Variants in DGKH observed in about 807,000 individuals in gnomAD.
DGKH encodes DAG kinase eta.
DGKH carries 90 observed loss-of-function variants against 159.3 expected under a neutral mutation model. That is an observed-to-expected ratio of 0.57 (90% confidence interval 0.48 to 0.67). The LOEUF is 0.67. Among genes scored for constraint, DGKH ranks in the 30% least tolerant of loss-of-function variants. The probability of loss-of-function intolerance (pLI) is 0.00; values close to 1 mark genes in which losing one functional copy is unlikely to be tolerated. For synonymous variants in DGKH, 536 were observed against 553.8 expected, an observed-to-expected ratio of 0.97 and a Z score of 0.45; for missense variants, 1,181 against 1,506.1, an observed-to-expected ratio of 0.78 and a Z score of 3.57.
At chr13:42,069,247 C>T (rs1264709637) in intron 1 of DGKH, 19 of 1,109,758 alleles carry the variant, frequency 1.7e-5, no homozygotes, top group Non-Finnish European at 2.5e-5. Flanking sequence ...ACTTGTTCAT[C>T]CTTTCTTACT....
chr13:42,133,869 C>T (rs1566119013), intron 3 of DGKH, among the ~76,000 whole-genome samples: 1 of 152,146 alleles, frequency 6.6e-6, no homozygotes, highest in Non-Finnish European at 1.5e-5. Context: ...GACAAACCTT[C>T]CTCTCTTTAA....
chr13:42,207,297 C>G (rs538613136), intron 21 of DGKH, among the ~76,000 whole-genome samples: 1 of 151,012 alleles, frequency 6.6e-6, no homozygotes, highest in African/African-American at 2.4e-5. Flanking sequence ...TCAAGCAGTT[C>G]CCCTGCCTCA....
chr13:42,130,682 C>T (rs1024856518), intron 3 of DGKH, among the ~76,000 whole-genome samples: 2 of 152,110 alleles, frequency 1.3e-5, no homozygotes, highest in Non-Finnish European at 2.9e-5. Flanking sequence ...AACAGGTGCA[C>T]AGCGGTGCCA....
In DGKH at chr13:42,077,681, C is replaced by T. The variant is rs956944808; in HGVS notation, c.192+28716C>T. 9.9e-5 allele frequency among the ~76,000 whole-genome samples: 15 copies of T among 152,192 alleles called. 1 individual carries two copies. The highest frequency in any genetic ancestry group is 1.6e-4 in the Non-Finnish European group (11 of 68,030). On this transcript the variant is annotated intron_variant, in intron 1 of 29. Transcript: ENST00000337343. ...TTTAGGTCAGCCTATTTAGAAACATCTTAGACTGGTTTGTCTTTGGTTGAA... is the reference window on the plus strand; with the variant it reads ...TTTAGGTCAGCCTATTTAGAAACATTTTAGACTGGTTTGTCTTTGGTTGAA...
intron 26 of DGKH, among the ~76,000 whole-genome samples, chr13:42,218,947 A>G (rs1957886041): frequency 1.3e-5 from 2 of 152,196 alleles, no homozygotes; most frequent in African/African-American, 4.8e-5. Flanking sequence ...AGACATTTAC[A>G]CAGAAAAAAA....
In DGKH at chr13:42,236,508, T is replaced by C. The variant is rs1241658379; in HGVS notation, c.*7320T>C. ...TGTAGCCAAGGGATTCAGTGTGTTA[T>C]ATTTTGCCAATATGTATTTTATCTT... On this transcript the variant is annotated 3_prime_UTR_variant, in exon 30 of 30. Transcript: ENST00000337343. The C allele has an allele frequency of 6.6e-6, 1 of 152,244 alleles. No individual in the cohort carries two copies. The highest frequency in any genetic ancestry group is 1.5e-5 in the Non-Finnish European group (1 of 68,034). The allele number at this position is 152,244 out of a possible 1,614,324, so 9.4% of individuals were successfully genotyped here. A position where few individuals can be genotyped will look rare whatever the true frequency, so the allele number is the denominator to read the frequency against.
At chr13:42,093,884 G>T (rs1431168428) in intron 1 of DGKH, among the ~76,000 whole-genome samples, 3 of 152,138 alleles carry the variant, frequency 2.0e-5, no homozygotes, top group African/African-American at 7.2e-5. Context: ...TGTTCCATGG[G>T]TGTAGAGTTT....
intron 1 of DGKH, among the ~76,000 whole-genome samples, chr13:42,078,884 T>C (rs544260607): frequency 6.6e-6 from 1 of 151,516 alleles, no homozygotes; most frequent in East Asian, 1.9e-4. Flanking sequence ...TACATTACTT[T>C]CCTCTCTTAA....
rs779622526 is a variant in DGKH, at chr13:42,168,444, A to C, written c.1123A>C (p.Arg375=). The change falls in exon 10 of 30, where the codon AGA becomes CGA. Residue 375 remains arginine (R), a synonymous_variant. Coordinates refer to ENST00000337343, the MANE Select transcript of DGKH (RefSeq NM_178009.5). ...TAAAATCCTTTTTGCTTTCAGTTTA[A>C]GATTATTTCAGAAGTTTGACAATTT... is the stretch of plus-strand genomic sequence containing the variant. ...LMNGGPHLGL[R]LFQKFDNFRI... 4 of 1,613,542 alleles carry C rather than the reference A, an allele frequency of 2.5e-6. No individual in the cohort carries two copies. Among genetic ancestry groups the C allele is most frequent in the Non-Finnish European group, 3.4e-6 (4 of 1,179,732 alleles).
intron 4 of DGKH, 57 bp downstream of exon 4, chr13:42,155,452 G>A (rs1956020055): frequency 1.9e-6 from 3 of 1,544,278 alleles, no homozygotes; most frequent in Non-Finnish European, 2.7e-6. Flanking sequence ...GTTAACCAAA[G>A]GGCTAGAGCT....
intron 30 of DGKH, chr13:42,255,830 A>G: frequency 1.6e-6 from 1 of 639,800 alleles, no homozygotes; most frequent in Non-Finnish European, 2.6e-6. Flanking sequence ...AGTAATATAT[A>G]AAAAGGGCAG....
downstream of DGKH, among the ~76,000 whole-genome samples, chr13:42,245,247 C>T (rs982867948): frequency 6.6e-6 from 1 of 152,192 alleles, no homozygotes; most frequent in Non-Finnish European, 1.5e-5. Context: ...GAGATTCAAA[C>T]AGAGGCTACC....
downstream of DGKH, among the ~76,000 whole-genome samples, chr13:42,246,903 T>G (rs1958584822): frequency 6.6e-6 from 1 of 152,200 alleles, no homozygotes; most frequent in African/African-American, 2.4e-5. Flanking sequence ...TATGAATGTG[T>G]GTGTGTATAT....
chr13:42,185,866 A>G (rs1182606811), intron 13 of DGKH, among the ~76,000 whole-genome samples: 1 of 152,236 alleles, frequency 6.6e-6, no homozygotes, highest in Non-Finnish European at 1.5e-5. Context: ...ATTAGAAAAT[A>G]TTACCTTTTG....
At chr13:42,069,551 C>G in intron 1 of DGKH, 1 of 1,594,560 alleles carries the variant, frequency 6.3e-7, no homozygotes, top group Admixed American at 1.7e-5. Flanking sequence ...TCTTTTCCAG[C>G]CAGTTGCCGT....
At chr13:42,082,621 T>C (rs545950066) in intron 1 of DGKH, among the ~76,000 whole-genome samples, 2 of 152,226 alleles carry the variant, frequency 1.3e-5, no homozygotes, top group Non-Finnish European at 2.9e-5. Context: ...AAATAATGTT[T>C]GTAAAATAAT....
At chr13:42,150,631 ATTAG>A (rs1232946463) in intron 3 of DGKH, among the ~76,000 whole-genome samples, 2 of 152,338 alleles carry the variant, frequency 1.3e-5, no homozygotes, top group East Asian at 3.9e-4. Flanking sequence ...GAGCTTAATT[ATTAG>A]TTCTTTTGGT....
intron 26 of DGKH, among the ~76,000 whole-genome samples, chr13:42,217,799 T>C (rs1957840196): frequency 6.6e-6 from 1 of 152,170 alleles, no homozygotes; most frequent in South Asian, 2.1e-4. Flanking sequence ...TTTGGGAGGC[T>C]GAGGCAGGCA....
intron 1 of DGKH, chr13:42,069,291 C>G: frequency 9.3e-7 from 1 of 1,071,928 alleles, no homozygotes; most frequent in Non-Finnish European, 1.4e-6. Context: ...ACAGTTCTCC[C>G]CATCACTCAC....
Sources: allele counts gnomAD v4.1 joint callset (sites outside exome capture counted in the v4.1 genomes callset), GRCh38; gene constraint gnomAD v4.1.1; transcripts MANE v1.5; gene names NCBI Gene and HGNC (gene_info 2026-07-23, HGNC 2026-07-21).